Variants in ZDHHC15 observed in about 807,000 individuals in gnomAD.
The protein encoded by ZDHHC15 is palmitoyltransferase ZDHHC15.
ZDHHC15 carries 19 observed loss-of-function variants against 31.7 expected under a neutral mutation model. That is an observed-to-expected ratio of 0.60 (90% CI 0.42 to 0.88). The LOEUF is 0.88. ZDHHC15 is among the 40% of genes least tolerant of loss of function. ZDHHC15 has a pLI of 0.00. For missense variants in ZDHHC15, 209 were observed against 251.2 expected (o/e 0.83, Z 1.14); for synonymous variants, 103 against 90.0 (o/e 1.14, Z -0.82).
rs113951561 is a variant in ZDHHC15 at position 75,497,784 on chromosome X, T to G, written c.163+8037A>C. 3.6e-3 allele frequency among the ~76,000 whole-genome samples: 396 copies of G among 111,322 alleles called. 1 individual carries two copies. Among genetic ancestry groups the G allele is most frequent in the African/African-American group, 0.012 (377 of 30,601 alleles). On this transcript the variant is annotated intron_variant, in intron 2 of 11. Transcript: ENST00000373367. ...TTTGATGAAATCCCGCATCCCTTTA[T>G]GATTAAAACCCTCAGCAAAATCAGC... is the stretch of plus-strand genomic sequence containing the variant.
At chrX:75,437,184 G>A (rs895015633) in intron 4 of ZDHHC15, among the ~76,000 whole-genome samples, 3 of 111,064 alleles carry the variant, frequency 2.7e-5, no homozygotes, top group Admixed American at 9.5e-5. Context: ...CCAAGCCCCT[G>A]TAAATATCTG....
At chrX:75,420,867 T>TA (rs2083618037) in intron 9 of ZDHHC15, among the ~76,000 whole-genome samples, 1 of 110,200 alleles carries the variant, frequency 9.1e-6, no homozygotes, top group African/African-American at 3.3e-5. Context: ...GATGGGTTGA[T>TA]ATGCAGCAAA....
At chrX:75,402,587 A>T (rs1378467451) in intron 10 of ZDHHC15, among the ~76,000 whole-genome samples, 1 of 111,780 alleles carries the variant, frequency 8.9e-6, no homozygotes, top group Non-Finnish European at 1.9e-5. Flanking sequence ...AGAAGTAAAA[A>T]CCATCAGAAG....
intron 2 of ZDHHC15, among the ~76,000 whole-genome samples, chrX:75,486,059 T>G (rs1569355544): frequency 9.0e-6 from 1 of 111,473 alleles, no homozygotes; most frequent in Non-Finnish European, 1.9e-5. Flanking sequence ...TCACAGACCC[T>G]TTGAAAGAAG....
At chrX:75,485,129 T>C (rs1013494681) in intron 2 of ZDHHC15, among the ~76,000 whole-genome samples, 1 of 111,484 alleles carries the variant, frequency 9.0e-6, no homozygotes, top group Non-Finnish European at 1.9e-5. Flanking sequence ...AACTGTATAG[T>C]GGTGGTTTTT....
Position 75,369,681 on chromosome X carries a change from C to T in ZDHHC15, c.*3297G>A, listed in dbSNP as rs371590935. 1.3e-4 allele frequency: 15 copies of T among 111,374 alleles called. No homozygotes were observed. Among genetic ancestry groups the T allele is most frequent in the African/African-American group, 4.9e-4 (15 of 30,601 alleles). 9.2% of individuals were successfully genotyped at this position (111,374 alleles called of 1,213,427 possible). On this transcript the variant is annotated 3_prime_UTR_variant, in exon 12 of 12. Transcript: ENST00000373367. ...TGTGAAAAATATGTGTCACATGGGG[C>T]TAGTAGGGGAAAGAGGCACATATTG... is the stretch of plus-strand genomic sequence containing the variant.
chrX:75,517,167 C>A lies in ZDHHC15; in HGVS notation c.136+5722G>T, dbSNP rs779380635. On this transcript the variant is annotated intron_variant, in intron 1 of 11. Coordinates refer to ENST00000373367, the MANE Select transcript of ZDHHC15 (RefSeq NM_144969.3). ...GTGTAAACTAGTTCAACCATTGTGG[C>A]AGACAGTGTGGTGATTCCTCAAGGA... is the stretch of plus-strand genomic sequence containing the variant. 1.9e-4 allele frequency among the ~76,000 whole-genome samples: 21 copies of A among 111,763 alleles called. No individual in the cohort carries two copies. The South Asian group carries it at 1.9e-3, about 10-fold the overall frequency.
intron 9 of ZDHHC15, among the ~76,000 whole-genome samples, chrX:75,417,490 T>C (rs2083562043): frequency 8.9e-6 from 1 of 111,950 alleles, no homozygotes; most frequent in South Asian, 3.7e-4. Flanking sequence ...TATCACTTAA[T>C]GATGATGATA....
chrX:75,458,643 G>T (rs185132511), intron 3 of ZDHHC15, among the ~76,000 whole-genome samples: 2 of 110,713 alleles, frequency 1.8e-5, no homozygotes, highest in South Asian at 3.9e-4. Context: ...CCCTGCTTGG[G>T]GTATGTGGAA....
chrX:75,381,204 G>A (rs1332191850), intron 10 of ZDHHC15, among the ~76,000 whole-genome samples: 2 of 111,603 alleles, frequency 1.8e-5, no homozygotes, highest in Non-Finnish European at 3.8e-5. Flanking sequence ...TTCTATTCTT[G>A]ACCCTCTGGC....
At chrX:75,493,406 G>C (rs1287449841) in intron 2 of ZDHHC15, among the ~76,000 whole-genome samples, 1 of 111,855 alleles carries the variant, frequency 8.9e-6, no homozygotes, top group East Asian at 2.8e-4. Context: ...AATAGAAAAA[G>C]GGGAAATCCT....
At chrX:75,451,951 T>A (rs189905175) in intron 3 of ZDHHC15, among the ~76,000 whole-genome samples, 2 of 111,475 alleles carry the variant, frequency 1.8e-5, no homozygotes, top group African/African-American at 6.5e-5. Context: ...AGACCATCGA[T>A]GCTAGGAAGA....
intron 1 of ZDHHC15, among the ~76,000 whole-genome samples, chrX:75,518,653 T>C (rs2085396295): frequency 9.5e-6 from 1 of 105,175 alleles, no homozygotes; most frequent in African/African-American, 3.5e-5. Flanking sequence ...ATACTCAAAA[T>C]AATTGAAGAC....
chrX:75,439,679 C>T (rs951117604), intron 4 of ZDHHC15, among the ~76,000 whole-genome samples: 2 of 111,840 alleles, frequency 1.8e-5, no homozygotes, highest in African/African-American at 3.3e-5. Flanking sequence ...TCACAGGATT[C>T]TTCTTGGTTT....
chrX:75,486,253 T>C (rs904402435), intron 2 of ZDHHC15, among the ~76,000 whole-genome samples: 13 of 111,383 alleles, frequency 1.2e-4, no homozygotes, highest in Admixed American at 2.9e-4. Context: ...AATATAAAAG[T>C]CGAAGAAGCA....
chrX:75,453,247 G>A (rs190090142), intron 3 of ZDHHC15, among the ~76,000 whole-genome samples: 20 of 111,684 alleles, frequency 1.8e-4, no homozygotes, highest in Admixed American at 5.7e-4. Context: ...TACCATCAGA[G>A]AATACTATAA....
intron 7 of ZDHHC15, among the ~76,000 whole-genome samples, chrX:75,428,802 T>C (rs2083743617): frequency 9.0e-6 from 1 of 111,693 alleles, no homozygotes; most frequent in South Asian, 3.7e-4. Context: ...AGAAATACAT[T>C]GTAAAGAATC....
At chrX:75,403,549 A>G (rs1238296825) in intron 10 of ZDHHC15, among the ~76,000 whole-genome samples, 1 of 112,168 alleles carries the variant, frequency 8.9e-6, no homozygotes, top group African/African-American at 3.2e-5. Context: ...CACAAAATCA[A>G]TGTACAAAAA....
chrX:75,450,612 G>A, intron 4 of ZDHHC15, 190 bp downstream of exon 4: 1 of 908,639 alleles, frequency 1.1e-6, no homozygotes, highest in Non-Finnish European at 1.5e-6. Context: ...TATACAGTTT[G>A]TTTACTATAC....
Sources: gnomAD v4.1 joint callset for allele counts (sites outside exome capture counted in the v4.1 genomes callset) on GRCh38, gnomAD v4.1.1 for gene constraint, MANE v1.5 for transcripts, NCBI Gene and HGNC (gene_info 2026-07-23, HGNC 2026-07-21) for gene names.